JMJD1C: variants seen among roughly 807,000 people sequenced by gnomAD.
The protein encoded by JMJD1C is jumonji domain containing 1C.
In JMJD1C, 31 loss-of-function variants were observed where a neutral mutation model predicts 245.3. The ratio of observed to expected loss-of-function variants is 0.13; its 90% CI spans 0.09 to 0.17. The LOEUF (loss-of-function observed/expected upper bound fraction) is 0.17. JMJD1C is among the 10% of genes least tolerant of loss of function. The pLI is 1.00. For synonymous variants in JMJD1C, 1,057 were observed against 1,017.4 expected (o/e 1.04, Z -0.74); for missense variants, 2,691 against 3,000.2 (o/e 0.90, Z 2.41).
intron 3 of JMJD1C, among the ~76,000 whole-genome samples, chr10:63,227,689 A>G (rs1849472220): frequency 6.6e-6 from 1 of 152,228 alleles, no homozygotes; most frequent in East Asian, 1.9e-4. Context: ...AAATTTCTCC[A>G]TAAAAACCAT....
intron 1 of JMJD1C, among the ~76,000 whole-genome samples, chr10:63,445,250 G>A (rs1162980742): frequency 6.6e-6 from 1 of 152,136 alleles, no homozygotes; most frequent in East Asian, 1.9e-4. Context: ...AAAGAAATAA[G>A]AGACAAAGCA....
In JMJD1C at chr10:63,176,490, AAT is replaced by A; in HGVS notation, c.7225-19_7225-18del. 1 of 1,585,442 alleles carries A rather than the reference AAT, an allele frequency of 6.3e-7. No individual in the cohort carries two copies. Among genetic ancestry groups the A allele is most frequent in the Non-Finnish European group, 8.6e-7 (1 of 1,157,394 alleles). On this transcript the variant is annotated intron_variant, in intron 23 of 25. Transcript: ENST00000399262. ...TTTTGAAATCTGAAATATGAATTAA[AAT>A]AGACACTCCAATTTAAGTAAGGAAA... is the stretch of plus-strand genomic sequence containing the variant.
At chr10:63,473,477 C>T (rs1158769757) in intron 1 of JMJD1C, among the ~76,000 whole-genome samples, 4 of 151,388 alleles carry the variant, frequency 2.6e-5, no homozygotes, top group African/African-American at 9.7e-5. Flanking sequence ...GAACTCCTGA[C>T]CTCAAGTGAT....
rs1846684838 is a variant in JMJD1C, at chr10:63,206,855, T to C, written c.4814A>G (p.Asp1605Gly). Residue 1605 changes from aspartate (D) to glycine (G), a missense_variant, in exon 10 of 26, where the codon GAT becomes GGT. By Grantham distance (94) the Asp-to-Gly change is moderately conservative. Transcript: ENST00000399262. Reference sequence around the variant, plus strand: ...GACTTTATCATCTTTTACATATTTATCAACTATGATCTTACTATCTACACT... The same window carrying C: ...GACTTTATCATCTTTTACATATTTACCAACTATGATCTTACTATCTACACT... ...QNSVDSKIIV[D>G]KYVKDDKVNR... 6.2e-7 allele frequency: 1 copy of C among 1,602,828 alleles called. No individual in the cohort carries two copies. Among genetic ancestry groups the C allele is most frequent in the Non-Finnish European group, 8.5e-7 (1 of 1,175,948 alleles).
intron 2 of JMJD1C, among the ~76,000 whole-genome samples, chr10:63,333,127 T>C (rs79705774): frequency 0.013 from 2,028 of 152,320 alleles, 30 homozygotes; most frequent in African/African-American, 0.034. Context: ...ACAAAATTAA[T>C]AGATTCTTAG....
intron 3 of JMJD1C, among the ~76,000 whole-genome samples, chr10:63,241,868 A>T (rs1462049753): frequency 6.6e-6 from 1 of 152,216 alleles, no homozygotes; most frequent in African/African-American, 2.4e-5. Flanking sequence ...GAGATGTAGC[A>T]GGTATCTAAT....
At chr10:63,263,675 T>C (rs1360131162) in intron 3 of JMJD1C, among the ~76,000 whole-genome samples, 1 of 152,134 alleles carries the variant, frequency 6.6e-6, no homozygotes, top group African/African-American at 2.4e-5. Flanking sequence ...CTCACGCCTG[T>C]AATCCCAGCA....
chr10:63,433,162 G>T (rs1274242683), intron 1 of JMJD1C, among the ~76,000 whole-genome samples: 5 of 151,776 alleles, frequency 3.3e-5, no homozygotes, highest in African/African-American at 1.2e-4. Flanking sequence ...CGCGATCTGG[G>T]CTCACCACAA....
chr10:63,430,107 T>C (rs1242236709), intron 1 of JMJD1C, among the ~76,000 whole-genome samples: 1 of 151,906 alleles, frequency 6.6e-6, no homozygotes, highest in East Asian at 1.9e-4. Flanking sequence ...GAAAGAAGAG[T>C]CTCTTAAATA....
chr10:63,446,234 T>C (rs1161116013), intron 1 of JMJD1C, among the ~76,000 whole-genome samples: 1 of 152,114 alleles, frequency 6.6e-6, no homozygotes, highest in Non-Finnish European at 1.5e-5. Flanking sequence ...AGTTTGGATA[T>C]GGGATGTGAG....
intron 1 of JMJD1C, among the ~76,000 whole-genome samples, chr10:63,473,478 C>G (rs1953558262): frequency 6.6e-6 from 1 of 151,468 alleles, no homozygotes. Context: ...AACTCCTGAC[C>G]TCAAGTGATC....
chr10:63,195,603 T>C (rs936198870), intron 13 of JMJD1C, among the ~76,000 whole-genome samples: 11 of 152,074 alleles, frequency 7.2e-5, no homozygotes, highest in African/African-American at 2.7e-4. Context: ...AATAGATATA[T>C]AGATAGTATG....
intron 1 of JMJD1C, among the ~76,000 whole-genome samples, chr10:63,394,468 C>T (rs1290366586): frequency 1.3e-5 from 2 of 152,124 alleles, no homozygotes; most frequent in East Asian, 3.8e-4. Flanking sequence ...TAAGGTAAAA[C>T]TTTGTCCAAG....
intron 1 of JMJD1C, among the ~76,000 whole-genome samples, chr10:63,484,228 GGATGGATGGATAGATAGATA>G (rs1249397901): frequency 6.2e-3 from 394 of 63,100 alleles, no homozygotes; most frequent in African/African-American, 0.015. Context: ...ATGGATGGAT[GGATGGATGGATAGATAGATA>G]GATAGATAGA....
intron 1 of JMJD1C, among the ~76,000 whole-genome samples, chr10:63,493,249 CTTTTTTTTT>C (rs752941477): frequency 2.0e-4 from 10 of 49,140 alleles, no homozygotes; most frequent in African/African-American, 3.4e-4. Flanking sequence ...ACTGTTATTT[CTTTTTTTTT>C]TTTTTTTTTT....
chr10:63,485,538 T>A (rs1426774586), intron 1 of JMJD1C, among the ~76,000 whole-genome samples: 1 of 152,174 alleles, frequency 6.6e-6, no homozygotes, highest in Non-Finnish European at 1.5e-5. Flanking sequence ...ATGAGTGACA[T>A]CGTATCCTAG....
intron 3 of JMJD1C, among the ~76,000 whole-genome samples, chr10:63,257,174 T>C (rs948817775): frequency 2.8e-5 from 4 of 144,562 alleles, no homozygotes; most frequent in Non-Finnish European, 6.0e-5. Context: ...GAGATGGAGG[T>C]TGCAGTGAGC....
At chr10:63,453,396 C>T (rs767494941) in intron 1 of JMJD1C, among the ~76,000 whole-genome samples, 8 of 152,188 alleles carry the variant, frequency 5.3e-5, no homozygotes, top group East Asian at 3.9e-4. Flanking sequence ...ATTTGCTTAC[C>T]TATTAAGATT....
chr10:63,223,124 A>C, intron 3 of JMJD1C: 1 of 466,304 alleles, frequency 2.1e-6, no homozygotes, highest in Non-Finnish European at 3.5e-6. Flanking sequence ...CAGTAAAGAA[A>C]TTATCTGCAA....
Sources: gnomAD v4.1 joint callset for allele counts (sites outside exome capture counted in the v4.1 genomes callset) on GRCh38, gnomAD v4.1.1 for gene constraint, MANE v1.5 for transcripts, NCBI Gene and HGNC (gene_info 2026-07-23, HGNC 2026-07-21) for gene names.